DEK: variants seen among roughly 807,000 people sequenced by gnomAD.
DEK encodes DEK proto-oncogene, also known as protein DEK.
In DEK, 28 loss-of-function variants were observed where a neutral mutation model predicts 46.8. That is an observed-to-expected ratio of 0.60 (90% CI 0.44 to 0.82). DEK has a LOEUF of 0.82. Ranked by LOEUF, DEK falls within the 40% of genes least tolerant of loss-of-function variation. The pLI, the probability that DEK is intolerant of heterozygous loss-of-function variation, is 0.00. For missense variants in DEK, 416 were observed against 430.6 expected (o/e 0.97, Z 0.30); for synonymous variants, 160 against 144.5 (o/e 1.11, Z -0.77).
At chr6:18,243,170 T>A (rs986194177) in intron 7 of DEK, among the ~76,000 whole-genome samples, 1 of 152,102 alleles carries the variant, frequency 6.6e-6, no homozygotes, top group Non-Finnish European at 1.5e-5. Context: ...AATACAAAAA[T>A]GAGGAGACAT....
At position 18,226,290 on chromosome 6, in the gene DEK, T is replaced by C. The variant is rs768115842; in HGVS notation, c.1048-48A>G. Reference sequence around the variant, plus strand: ...ATAATGTTAAAAGCAGATTTTAAAATCCAGTAATATTGTCTTTGAATAAAA... The same window carrying C: ...ATAATGTTAAAAGCAGATTTTAAAACCCAGTAATATTGTCTTTGAATAAAA... On this transcript the variant is annotated intron_variant, in intron 9 of 10. Transcript: ENST00000652689. The C allele has an allele frequency of 8.6e-6, 11 of 1,283,186 alleles. No individual in the cohort carries two copies. In the South Asian group the frequency reaches 1.6e-4, roughly 18 times the overall value. The allele number at this position is 1,283,186 out of a possible 1,614,324, so 79.5% of individuals were successfully genotyped here. A position where few individuals can be genotyped will look rare whatever the true frequency, so the allele number is the denominator to read the frequency against.
chr6:18,263,151 A>C (rs555064627), intron 2 of DEK, among the ~76,000 whole-genome samples: 23 of 152,196 alleles, frequency 1.5e-4, no homozygotes, highest in African/African-American at 5.5e-4. Flanking sequence ...TCCTCTATTC[A>C]GTCAAGTTTC....
chr6:18,256,045 T>C (rs1169174735), intron 5 of DEK, among the ~76,000 whole-genome samples, 194 bp from the exon 6 acceptor site: 3 of 151,808 alleles, frequency 2.0e-5, no homozygotes, highest in Non-Finnish European at 4.4e-5. Flanking sequence ...TGGAGTGCAA[T>C]GGCCCAATCT....
chr6:18,248,414 T>C (rs1326788292), intron 7 of DEK, among the ~76,000 whole-genome samples: 1 of 152,198 alleles, frequency 6.6e-6, no homozygotes, highest in African/African-American at 2.4e-5. Context: ...ATACTATCAG[T>C]TTAAAAATTT....
chr6:18,227,687 C>A (rs1279735399), intron 9 of DEK, among the ~76,000 whole-genome samples: 1 of 152,132 alleles, frequency 6.6e-6, no homozygotes, highest in East Asian at 1.9e-4. Flanking sequence ...AGGGGCAACC[C>A]ACCCCTTCAA....
At chr6:18,261,520 G>A (rs776226185) in intron 2 of DEK, among the ~76,000 whole-genome samples, 7 of 152,208 alleles carry the variant, frequency 4.6e-5, no homozygotes, top group Admixed American at 6.5e-5. Flanking sequence ...GCGGTTAGCC[G>A]AGGTCAGGCC....
At chr6:18,240,923 T>C (rs947260712) in intron 7 of DEK, among the ~76,000 whole-genome samples, 1 of 152,258 alleles carries the variant, frequency 6.6e-6, no homozygotes, top group Admixed American at 6.5e-5. Context: ...TACATTATAG[T>C]AGATACGACA....
intron 2 of DEK, among the ~76,000 whole-genome samples, chr6:18,262,497 T>C (rs1295525093): frequency 1.3e-5 from 2 of 152,208 alleles, no homozygotes; most frequent in East Asian, 1.9e-4. Flanking sequence ...TACAACATCA[T>C]GTTTTTAAAA....
intron 7 of DEK, among the ~76,000 whole-genome samples, chr6:18,248,351 A>T (rs1791217082): frequency 1.3e-5 from 2 of 152,204 alleles, no homozygotes; most frequent in Admixed American, 1.3e-4. Context: ...CCATAAAGAG[A>T]GTTTAGGAAT....
chr6:18,238,238 A>G (rs1790749838), intron 7 of DEK, among the ~76,000 whole-genome samples: 1 of 152,226 alleles, frequency 6.6e-6, no homozygotes, highest in Non-Finnish European at 1.5e-5. Flanking sequence ...GTTGCTCAAT[A>G]AATACTTATG....
intron 9 of DEK, among the ~76,000 whole-genome samples, chr6:18,232,447 T>G (rs1335927827): frequency 6.6e-6 from 1 of 152,158 alleles, no homozygotes; most frequent in African/African-American, 2.4e-5. Flanking sequence ...GATGACATGA[T>G]TCTATATTTA....
rs977207361 is a variant in DEK at position 18,258,421 on chromosome 6, G to A, written c.146-16C>T. 2 of 1,577,374 alleles carry A rather than the reference G, an allele frequency of 1.3e-6. No homozygotes were observed. Among genetic ancestry groups the A allele is most frequent in the Non-Finnish European group, 1.7e-6 (2 of 1,151,030 alleles). On this transcript the variant is annotated splice_polypyrimidine_tract_variant and intron_variant, in intron 2 of 10. Transcript: ENST00000652689. Reference sequence around the variant, plus strand: ...AGACTCTTTTCTAGAAATTAATTTAGTATTTCTTAATTAACAAAAAGCTTA... The same window carrying A: ...AGACTCTTTTCTAGAAATTAATTTAATATTTCTTAATTAACAAAAAGCTTA...
intron 9 of DEK, among the ~76,000 whole-genome samples, chr6:18,229,877 A>G (rs566135640): frequency 1.3e-5 from 2 of 152,182 alleles, no homozygotes; most frequent in African/African-American, 4.8e-5. Context: ...AATACAGAGA[A>G]CACCACAAAA....
At chr6:18,257,409 C>T (rs530246415) in intron 4 of DEK, among the ~76,000 whole-genome samples, 108 of 152,298 alleles carry the variant, frequency 7.1e-4, no homozygotes, top group African/African-American at 2.5e-3. Flanking sequence ...ATAAAAACTA[C>T]TACAGGAGAA....
chr6:18,235,722 C>T (rs539134237), intron 9 of DEK, among the ~76,000 whole-genome samples: 1 of 152,286 alleles, frequency 6.6e-6, no homozygotes, highest in Admixed American at 6.5e-5. Flanking sequence ...CTCCTGGCCT[C>T]AAGCAGTCCT....
intron 7 of DEK, among the ~76,000 whole-genome samples, chr6:18,246,313 A>C (rs1468428215): frequency 2.0e-5 from 3 of 152,218 alleles, no homozygotes; most frequent in Non-Finnish European, 4.4e-5. Context: ...CCAAGAGACA[A>C]GCTAATAAGG....
At chr6:18,242,138 G>A (rs1790915390) in intron 7 of DEK, among the ~76,000 whole-genome samples, 1 of 152,194 alleles carries the variant, frequency 6.6e-6, no homozygotes, top group Non-Finnish European at 1.5e-5. Flanking sequence ...GCTCAACCCC[G>A]TAATCCCAGC....
chr6:18,232,306 A>G lies in DEK; in HGVS notation c.1047+4146T>C, dbSNP rs1209982983. On this transcript the variant is annotated intron_variant, in intron 9 of 10. Coordinates refer to ENST00000652689, the MANE Select transcript of DEK (RefSeq NM_003472.4). The stretch of plus-strand genomic sequence containing the variant: ...CATTCCCTTTGAAAACTGGCACAAG[A>G]CAGGGATGCCCTCTCTCACCACTCC... Among the ~76,000 whole-genome samples the G allele has an allele frequency of 2.6e-5, 4 of 152,318 alleles. No homozygotes were observed. In the East Asian group the frequency reaches 7.7e-4, roughly 29 times the overall value.
chr6:18,237,177 C>G, intron 8 of DEK: 97 of 395,192 alleles, frequency 2.5e-4, no homozygotes, highest in East Asian at 5.8e-4. Context: ...CTCTCTCTGT[C>G]TCTCTCTCTA....
Sources: gnomAD v4.1 joint callset for allele counts (sites outside exome capture counted in the v4.1 genomes callset) on GRCh38, gnomAD v4.1.1 for gene constraint, MANE v1.5 for transcripts, NCBI Gene and HGNC (gene_info 2026-07-23, HGNC 2026-07-21) for gene names.